The following ZNF257 variants were observed in gnomAD, a reference collection of about 807,000 sequenced individuals.
ZNF257 encodes the protein zinc finger protein 257.
A neutral mutation model predicts 11.9 loss-of-function variants in ZNF257; 12 were observed. The observed-to-expected ratio is 1.01, with a 90% CI of 0.65 to 1.63. The LOEUF is 1.63. Ranked by LOEUF, ZNF257 falls within the 40% of genes most tolerant of loss-of-function variation. The pLI, the probability that ZNF257 is intolerant of heterozygous loss-of-function variation, is 0.00. For missense variants in ZNF257, 580 were observed against 665.5 expected, an observed-to-expected ratio of 0.87 and a Z score of 1.41; for synonymous variants, 183 against 222.7, an observed-to-expected ratio of 0.82 and a Z score of 1.59.
intron 3 of ZNF257, among the ~76,000 whole-genome samples, chr19:22,083,862 C>T (rs35608089): frequency 4.2e-4 from 64 of 151,814 alleles, no homozygotes; most frequent in Non-Finnish European, 7.2e-4. Context: ...TGATGTGGTC[C>T]GGTGTGGTAG....
At position 22,088,108 on chromosome 19, in the gene ZNF257, G is replaced by T. The variant is rs1262849345; in HGVS notation, c.358G>T (p.Val120Leu). The change falls in exon 4 of 4, where the codon GTG (valine) becomes TTG (leucine). Residue 120 changes from valine to leucine, a missense_variant. Val to Leu is a conservative substitution (Grantham distance 32). Coordinates refer to ENST00000594947, the MANE Select transcript of ZNF257 (RefSeq NM_033468.4). ...NLQLRKGCKSVDECKVCKGGY... is the reference protein window; with the variant it reads ...NLQLRKGCKSLDECKVCKGGY... ...ACAATTAAGAAAGGGCTGTAAAAGT[G>T]TGGATGAGTGTAAGGTGTGCAAAGG... The T allele has an allele frequency of 1.9e-6, 3 of 1,610,056 alleles. No homozygotes were observed. In the African/African-American group the frequency reaches 4.0e-5, roughly 22 times the overall value.
chr19:22,059,037 C>T (rs893172950), intron 1 of ZNF257, among the ~76,000 whole-genome samples: 6 of 152,196 alleles, frequency 3.9e-5, no homozygotes, highest in Non-Finnish European at 7.3e-5. Flanking sequence ...TCTCATCTGC[C>T]TGCATGAACC....
At chr19:22,052,682 T>C in intron 1 of ZNF257, 47 bp downstream of exon 1, 9 of 1,601,888 alleles carry the variant, frequency 5.6e-6, no homozygotes, top group Non-Finnish European at 7.7e-6. Flanking sequence ...AGGGGGTGGT[T>C]GGAACCTGTG....
rs1382331461 is a variant in ZNF257 at position 22,090,719 on chromosome 19, T to C, written c.*1277T>C. Reference sequence around the variant, plus strand: ...CATAATTAAATTCAAGTATACTTTTTTGATAAAATTATAAAGCTTTTTAAA... The same window carrying C: ...CATAATTAAATTCAAGTATACTTTTCTGATAAAATTATAAAGCTTTTTAAA... On this transcript the variant is annotated 3_prime_UTR_variant, in exon 4 of 4. Transcript: ENST00000594947. 6.6e-6 allele frequency: 1 copy of C among 152,204 alleles called. No homozygotes were observed. Among genetic ancestry groups the C allele is most frequent in the Non-Finnish European group, 1.5e-5 (1 of 68,032 alleles). The allele number at this position is 152,204 out of a possible 1,614,324, so 9.4% of individuals were successfully genotyped here. A position where few individuals can be genotyped will look rare whatever the true frequency, so the allele number is the denominator to read the frequency against.
chr19:22,059,094 C>A (rs571969088), intron 1 of ZNF257, among the ~76,000 whole-genome samples: 1 of 152,324 alleles, frequency 6.6e-6, no homozygotes, highest in South Asian at 2.1e-4. Flanking sequence ...GTAGCACAAA[C>A]CAGTCCTATC....
At chr19:22,063,991 T>C (rs908754657) in intron 1 of ZNF257, 10 of 152,246 alleles carry the variant, frequency 6.6e-5, no homozygotes, top group African/African-American at 1.9e-4. Flanking sequence ...TTAAAGTCTC[T>C]TCATAGGTCT....
intron 1 of ZNF257, among the ~76,000 whole-genome samples, chr19:22,065,085 A>G (rs1411139410): frequency 1.3e-5 from 2 of 152,102 alleles, no homozygotes; most frequent in Admixed American, 6.6e-5. Context: ...CTACAATAGT[A>G]TGAATATAAG....
chr19:22,052,692 G>A lies in ZNF257; in HGVS notation c.3+57G>A, dbSNP rs1192176357. The A allele has an allele frequency of 5.0e-6, 8 of 1,593,024 alleles. No individual in the cohort carries two copies. In the East Asian group the frequency reaches 1.8e-4, roughly 36 times the overall value. ...GGGGAAGGGGGTGGTTGGAACCTGTGGGAAGTCGCTGTGGCGGGACTCAGG... is the reference window on the plus strand; with the variant it reads ...GGGGAAGGGGGTGGTTGGAACCTGTAGGAAGTCGCTGTGGCGGGACTCAGG... On this transcript the variant is annotated intron_variant, in intron 1 of 3. Coordinates refer to ENST00000594947, the MANE Select transcript of ZNF257 (RefSeq NM_033468.4).
chr19:22,062,384 A>C (rs1221852274), intron 1 of ZNF257, among the ~76,000 whole-genome samples: 1 of 151,804 alleles, frequency 6.6e-6, no homozygotes, highest in Non-Finnish European at 1.5e-5. Context: ...TCGGCCTCCC[A>C]AAGTGCTGGG....
chr19:22,067,733 G>T (rs1245166546), intron 1 of ZNF257, among the ~76,000 whole-genome samples: 1 of 152,118 alleles, frequency 6.6e-6, no homozygotes, highest in African/African-American at 2.4e-5. Context: ...TACTTGGGAT[G>T]CTGAGGCAGA....
chr19:22,085,298 A>G (rs1599674335), intron 3 of ZNF257, among the ~76,000 whole-genome samples: 1 of 151,894 alleles, frequency 6.6e-6, no homozygotes, highest in African/African-American at 2.4e-5. Flanking sequence ...TGAACTCCTG[A>G]CCTCAGGTGA....
In ZNF257 at chr19:22,090,164, A is replaced by G. The variant is rs925347628; in HGVS notation, c.*722A>G. 1 of 152,214 alleles carries G rather than the reference A, an allele frequency of 6.6e-6. No individual in the cohort carries two copies. The highest frequency in any genetic ancestry group is 1.5e-5 in the Non-Finnish European group (1 of 68,076). The allele number at this position is 152,214 out of a possible 1,614,324, so 9.4% of individuals were successfully genotyped here. On this transcript the variant is annotated 3_prime_UTR_variant, in exon 4 of 4. Transcript: ENST00000594947. ...TATTTGCTCACATATTACACATCAG[A>G]GAGTTCATACTTAATAAAAGTATTA...
intron 3 of ZNF257, among the ~76,000 whole-genome samples, chr19:22,078,053 T>C (rs1322056193): frequency 1.3e-5 from 2 of 150,784 alleles, no homozygotes; most frequent in Non-Finnish European, 3.0e-5. Flanking sequence ...GACTGGCCAA[T>C]ATGGTGAAAC....
At chr19:22,073,333 G>T in intron 2 of ZNF257, 136 bp from the exon 3 acceptor site, 1 of 1,085,150 alleles carries the variant, frequency 9.2e-7, no homozygotes, top group South Asian at 2.2e-5. Context: ...TAAATATTTA[G>T]AAATTTCTGT....
intron 3 of ZNF257, among the ~76,000 whole-genome samples, chr19:22,077,071 TG>T (rs1034248630): frequency 1.7e-4 from 26 of 152,164 alleles, no homozygotes; most frequent in African/African-American, 6.0e-4. Context: ...ACCAGGATTT[TG>T]GGAGACCAAG....
intron 1 of ZNF257, among the ~76,000 whole-genome samples, chr19:22,061,637 A>G (rs1192204550): frequency 7.0e-6 from 1 of 143,704 alleles, no homozygotes; most frequent in Admixed American, 6.9e-5. Context: ...TTTTTTTCTC[A>G]CCTGATTGCT....
intron 3 of ZNF257, among the ~76,000 whole-genome samples, chr19:22,084,252 CG>C (rs2022424610): frequency 1.3e-5 from 2 of 151,726 alleles, no homozygotes; most frequent in South Asian, 4.2e-4. Flanking sequence ...ATTGGCTTTC[CG>C]TAACAATGCT....
At chr19:22,065,063 A>T (rs913255259) in intron 1 of ZNF257, among the ~76,000 whole-genome samples, 2 of 152,270 alleles carry the variant, frequency 1.3e-5, no homozygotes, top group South Asian at 4.1e-4. Flanking sequence ...CAAAAAAAAA[A>T]AAAAGTATTT....
At position 22,081,061 on chromosome 19, in the gene ZNF257, T is replaced by C. The variant is rs147750935; in HGVS notation, c.227-6916T>C. Among the ~76,000 whole-genome samples the C allele has an allele frequency of 1.8e-4, 27 of 151,924 alleles. No homozygotes were observed. In the East Asian group the frequency reaches 5.2e-3, roughly 29 times the overall value. The stretch of plus-strand genomic sequence containing the variant: ...GCTCGGCTAATTTTTGTATTTTTAG[T>C]AGAGTCGGGGTTTCACCATGTTAAC... On this transcript the variant is annotated intron_variant, in intron 3 of 3. Transcript: ENST00000594947.
Sources: gnomAD v4.1 joint callset for allele counts (sites outside exome capture counted in the v4.1 genomes callset) on GRCh38, gnomAD v4.1.1 for gene constraint, MANE v1.5 for transcripts, NCBI Gene and HGNC (gene_info 2026-07-23, HGNC 2026-07-21) for gene names.